DHRSX: variants seen among roughly 807,000 people sequenced by gnomAD.
DHRSX encodes the protein polyprenol dehydrogenase.
A neutral mutation model predicts 34.0 loss-of-function variants in DHRSX; 31 were observed. That is an observed-to-expected ratio of 0.91 (90% CI 0.69 to 1.23). DHRSX has a LOEUF of 1.23. DHRSX is among the 50% of genes most tolerant of loss of function. The pLI, the probability that DHRSX is intolerant of heterozygous loss-of-function variation, is 0.00. For synonymous variants in DHRSX, 201 were observed against 183.8 expected, an observed-to-expected ratio of 1.09 and a Z score of -0.76; for missense variants, 414 against 428.1, an observed-to-expected ratio of 0.97 and a Z score of 0.29.
At chrX:2,461,641 C>T (rs997414073) in intron 1 of DHRSX, among the ~76,000 whole-genome samples, 5 of 152,036 alleles carry the variant, frequency 3.3e-5, no homozygotes, top group Middle Eastern at 6.3e-3. Context: ...TTGTGGGCTC[C>T]AGTGATCCTC....
intron 6 of DHRSX, among the ~76,000 whole-genome samples, chrX:2,238,586 C>CTT (rs758589373): frequency 0.026 from 3,664 of 142,336 alleles, 183 homozygotes; most frequent in African/African-American, 0.089. Flanking sequence ...TTTCTTCTTT[C>CTT]TTTTTTTTTT....
chrX:2,363,750 C>T (rs189558166), intron 3 of DHRSX, among the ~76,000 whole-genome samples: 263 of 152,082 alleles, frequency 1.7e-3, no homozygotes, highest in African/African-American at 6.1e-3. Context: ...CATTTTATCA[C>T]CGTTCTATGA....
chrX:2,470,396 TA>T, intron 1 of DHRSX, among the ~76,000 whole-genome samples: 1 of 150,368 alleles, frequency 6.7e-6, no homozygotes, highest in Admixed American at 6.6e-5. Context: ...ACCCTATCTC[TA>T]AACAAATAAA....
chrX:2,490,038 T>G (rs771083708), intron 1 of DHRSX: 4 of 1,613,792 alleles, frequency 2.5e-6, no homozygotes, highest in Non-Finnish European at 3.4e-6. Flanking sequence ...CGGGAGCCCA[T>G]GGACAGGCAG....
chrX:2,308,009 G>A (rs2042120718), intron 3 of DHRSX, among the ~76,000 whole-genome samples: 1 of 152,044 alleles, frequency 6.6e-6, no homozygotes, highest in Non-Finnish European at 1.5e-5. Flanking sequence ...AGGATCTCCG[G>A]AAGACTTGAG....
chrX:2,325,559 G>C, intron 3 of DHRSX, among the ~76,000 whole-genome samples: 1 of 152,118 alleles, frequency 6.6e-6, no homozygotes, highest in South Asian at 2.1e-4. Context: ...TTGCATAACC[G>C]ATTAGGGTGG....
At chrX:2,491,845 C>T (rs2045155003) in intron 1 of DHRSX, among the ~76,000 whole-genome samples, 1 of 152,182 alleles carries the variant, frequency 6.6e-6, no homozygotes, top group African/African-American at 2.4e-5. Context: ...GGTGTGGAGG[C>T]TTAGATGACC....
chrX:2,323,025 G>T (rs2124534961), intron 3 of DHRSX, among the ~76,000 whole-genome samples: 1 of 150,884 alleles, frequency 6.6e-6, no homozygotes, highest in Non-Finnish European at 1.5e-5. Flanking sequence ...CCAGGTTCAA[G>T]CGATTCTCCT....
At chrX:2,230,505 G>A (rs1172736487) in intron 6 of DHRSX, among the ~76,000 whole-genome samples, 3 of 152,206 alleles carry the variant, frequency 2.0e-5, no homozygotes, top group African/African-American at 4.8e-5. Flanking sequence ...TGTGATGATT[G>A]AGTTCACGTA....
At chrX:2,441,024 G>A (rs1032794146) in intron 1 of DHRSX, among the ~76,000 whole-genome samples, 8 of 152,114 alleles carry the variant, frequency 5.3e-5, no homozygotes, top group African/African-American at 9.7e-5. Context: ...AGTAGCTACC[G>A]CCCAGGATGC....
At chrX:2,244,643 ACAT>A (rs2016234803) in intron 5 of DHRSX, among the ~76,000 whole-genome samples, 1 of 152,070 alleles carries the variant, frequency 6.6e-6, no homozygotes, top group African/African-American at 2.4e-5. Flanking sequence ...TATCGTAACA[ACAT>A]TTCAAGGTGG....
chrX:2,454,523 G>A (rs996282403), intron 1 of DHRSX, among the ~76,000 whole-genome samples: 29 of 99,102 alleles, frequency 2.9e-4, no homozygotes, highest in Non-Finnish European at 4.5e-4. Context: ...GAGAAACTCC[G>A]TCTCAAAAAA....
At chrX:2,291,708 AC>A (rs68012062) in intron 3 of DHRSX, 105 bp from the exon 4 acceptor site, 300,304 of 782,536 alleles carry the variant, frequency 0.38, 48,854 homozygotes, top group Middle Eastern at 0.44. Flanking sequence ...AGGAAGTAAC[AC>A]TTTTTTTTTT....
intron 3 of DHRSX, among the ~76,000 whole-genome samples, chrX:2,407,216 ACTCGCAGACTTT>A (rs1171207234): frequency 1.3e-5 from 2 of 152,162 alleles, no homozygotes; most frequent in East Asian, 3.9e-4. Flanking sequence ...GCTGGGTCCG[ACTCGCAGACTTT>A]GGCTGAGCGA....
chrX:2,440,122 T>C (rs1270484917), intron 1 of DHRSX, among the ~76,000 whole-genome samples: 1 of 152,184 alleles, frequency 6.6e-6, no homozygotes, highest in Non-Finnish European at 1.5e-5. Flanking sequence ...ACAAGGTCAG[T>C]AGCATCTGTC....
intron 5 of DHRSX, among the ~76,000 whole-genome samples, chrX:2,263,557 C>A (rs775585550): frequency 2.7e-5 from 4 of 148,806 alleles, no homozygotes; most frequent in African/African-American, 7.5e-5. Context: ...GTTGTTACTC[C>A]GGCTGGAGTG....
chrX:2,283,478 T>C (rs1456906601), intron 4 of DHRSX, among the ~76,000 whole-genome samples: 1 of 152,052 alleles, frequency 6.6e-6, no homozygotes, highest in Admixed American at 6.6e-5. Context: ...ATGCAACACT[T>C]TCCGTCTTCC....
chrX:2,377,217 C>T (rs766881838), intron 3 of DHRSX, among the ~76,000 whole-genome samples: 3 of 151,990 alleles, frequency 2.0e-5, no homozygotes, highest in South Asian at 2.1e-4. Flanking sequence ...ATGATTTGAG[C>T]GTATGACATT....
At chrX:2,294,808 G>A (rs567430081) in intron 3 of DHRSX, among the ~76,000 whole-genome samples, 2,164 of 149,328 alleles carry the variant, frequency 0.014, 22 homozygotes, top group Middle Eastern at 0.024. Flanking sequence ...AGAGAGAGAG[G>A]AAAAAGAGAG....
Sources: gnomAD v4.1 joint callset for allele counts (sites outside exome capture counted in the v4.1 genomes callset) on GRCh38, gnomAD v4.1.1 for gene constraint, MANE v1.5 for transcripts, NCBI Gene and HGNC (gene_info 2026-07-23, HGNC 2026-07-21) for gene names.